The following PLXDC1 variants were observed in gnomAD, a reference collection of about 807,000 sequenced individuals.
The protein encoded by PLXDC1 is plexin domain containing 1, also known as plexin domain-containing protein 1.
Under a neutral mutation model 61.3 loss-of-function variants are expected in PLXDC1, and 39 were observed. The observed-to-expected ratio is 0.64, with a 90% CI of 0.49 to 0.83. The LOEUF is 0.83. Among genes scored for constraint, PLXDC1 ranks in the 40% least tolerant of loss-of-function variants. The pLI is 0.00. For missense variants in PLXDC1, 596 were observed against 666.5 expected (o/e 0.89, Z 1.17); for synonymous variants, 212 against 254.5 (o/e 0.83, Z 1.59).
chr17:39,103,033 G>A (rs1210140751), intron 7 of PLXDC1, among the ~76,000 whole-genome samples: 5 of 152,134 alleles, frequency 3.3e-5, no homozygotes, highest in Non-Finnish European at 1.5e-5. Context: ...TGGCTAACAT[G>A]GTGAAACCCC....
intron 7 of PLXDC1, among the ~76,000 whole-genome samples, chr17:39,103,656 G>GACAA (rs71353561): frequency 0.014 from 2,187 of 152,064 alleles, 62 homozygotes; most frequent in African/African-American, 0.05. Context: ...GACCAGCCTG[G>GACAA]ACAACATGGT....
At chr17:39,128,595 G>A (rs759796127) in intron 2 of PLXDC1, among the ~76,000 whole-genome samples, 5 of 152,108 alleles carry the variant, frequency 3.3e-5, no homozygotes, top group Non-Finnish European at 7.4e-5. Context: ...ATACATTGCT[G>A]GTGGGAATGT....
intron 2 of PLXDC1, among the ~76,000 whole-genome samples, chr17:39,134,913 T>A (rs1911693741): frequency 6.6e-6 from 1 of 152,084 alleles, no homozygotes; most frequent in African/African-American, 2.4e-5. Context: ...GTTTCCATCA[T>A]GCAGCTGGCT....
chr17:39,138,722 CT>C (rs72416084), intron 2 of PLXDC1, among the ~76,000 whole-genome samples: 1,853 of 144,650 alleles, frequency 0.013, 17 homozygotes, highest in African/African-American at 0.031. Flanking sequence ...ACTATTTAAC[CT>C]TTTTTTTTTT....
chr17:39,077,168 G>A (rs1411795871), intron 11 of PLXDC1, among the ~76,000 whole-genome samples: 3 of 152,144 alleles, frequency 2.0e-5, no homozygotes, highest in East Asian at 1.9e-4. Flanking sequence ...GTGCCTGGCC[G>A]AGATGCAGGG....
chr17:39,084,211 A>G (rs1369641569), intron 8 of PLXDC1, among the ~76,000 whole-genome samples: 1 of 152,210 alleles, frequency 6.6e-6, no homozygotes, highest in East Asian at 1.9e-4. Flanking sequence ...GTCAGAGCAT[A>G]CAAAGTAGCA....
intron 2 of PLXDC1, among the ~76,000 whole-genome samples, chr17:39,114,212 G>A (rs979615471): frequency 2.6e-5 from 4 of 152,052 alleles, no homozygotes; most frequent in African/African-American, 7.2e-5. Flanking sequence ...TCTGTTAAAC[G>A]GAAACACAAA....
intron 4 of PLXDC1, 129 bp downstream of exon 4, chr17:39,108,775 C>T (rs1682772653): frequency 1.5e-6 from 1 of 674,212 alleles, no homozygotes; most frequent in Non-Finnish European, 2.7e-6. Context: ...AATCAGACTC[C>T]TATTAGAGCC....
rs1032157365 is a variant in PLXDC1 at position 39,067,829 on chromosome 17, A to G, written c.*11T>C. On this transcript the variant is annotated 3_prime_UTR_variant, in exon 14 of 14. Transcript: ENST00000315392. Reference sequence around the variant, plus strand: ...TGGCCTCAAAGTCTTCAAAGGGGAGACTTGGTGTTCTCAGCACTGCTCAGC... The same window carrying G: ...TGGCCTCAAAGTCTTCAAAGGGGAGGCTTGGTGTTCTCAGCACTGCTCAGC... The G allele has an allele frequency of 5.0e-6, 8 of 1,606,382 alleles. No homozygotes were observed. The East Asian group carries it at 1.8e-4, about 36-fold the overall frequency.
At chr17:39,143,959 A>G (rs935216160) in intron 1 of PLXDC1, among the ~76,000 whole-genome samples, 2 of 152,164 alleles carry the variant, frequency 1.3e-5, no homozygotes, top group African/African-American at 4.8e-5. Context: ...CCAGCTCCCC[A>G]GGTCTTCCTG....
At chr17:39,116,675 G>A (rs1910976856) in intron 2 of PLXDC1, among the ~76,000 whole-genome samples, 2 of 152,170 alleles carry the variant, frequency 1.3e-5, no homozygotes, top group Admixed American at 1.3e-4. Flanking sequence ...ATACCTTCGG[G>A]GGCAAGGAAG....
rs552145644 is a variant in PLXDC1, at chr17:39,135,341, G to A, written c.255+4313C>T. ...GTGGAAGCCTCATGTTCTGACAATC[G>A]AGCGGGTCACCAATTATAAAATTGG... On this transcript the variant is annotated intron_variant, in intron 2 of 13. Transcript: ENST00000315392. Among the ~76,000 whole-genome samples, 18 of 152,274 alleles carry A rather than the reference G, an allele frequency of 1.2e-4. No individual in the cohort carries two copies. The South Asian group carries it at 2.7e-3, about 23-fold the overall frequency.
rs71141756 is a variant in PLXDC1 at position 39,091,958 on chromosome 17, C to CA, written c.812-4257dup. Among the ~76,000 whole-genome samples the CA allele has an allele frequency of 6.0e-3, 629 of 105,190 alleles. 4 individuals are homozygous for CA. The highest frequency in any genetic ancestry group is 0.019 in the Middle Eastern group (4 of 210). The allele number at this position is 105,190 out of a possible 152,430, so 69.0% of individuals were successfully genotyped here. On this transcript the variant is annotated intron_variant, in intron 7 of 13. Coordinates refer to ENST00000315392, the MANE Select transcript of PLXDC1 (RefSeq NM_020405.5). Reference sequence around the variant, plus strand: ...TGGGCAACAGAGTGAGACTCTATCTCAAAAAAAAAAAAAAAAAAAAAAAAT... The same window carrying CA: ...TGGGCAACAGAGTGAGACTCTATCTCAAAAAAAAAAAAAAAAAAAAAAAAAT...
intron 1 of PLXDC1, among the ~76,000 whole-genome samples, chr17:39,144,518 G>A (rs1912033819): frequency 6.6e-6 from 1 of 152,236 alleles, no homozygotes; most frequent in Non-Finnish European, 1.5e-5. Flanking sequence ...GCCTGGGACA[G>A]GACGTCATCC....
At chr17:39,074,923 T>C (rs539042028) in intron 11 of PLXDC1, among the ~76,000 whole-genome samples, 1 of 152,254 alleles carries the variant, frequency 6.6e-6, no homozygotes, top group African/African-American at 2.4e-5. Context: ...GGGCAAAGTT[T>C]CTTTCTGCTT....
chr17:39,137,959 C>T (rs764100829), intron 2 of PLXDC1, among the ~76,000 whole-genome samples: 7 of 151,956 alleles, frequency 4.6e-5, no homozygotes, highest in East Asian at 1.9e-4. Flanking sequence ...TATATTTTTT[C>T]GGAGACAGAG....
chr17:39,122,010 T>G (rs1911173661), intron 2 of PLXDC1, among the ~76,000 whole-genome samples: 1 of 143,594 alleles, frequency 7.0e-6, no homozygotes, highest in African/African-American at 2.6e-5. Flanking sequence ...CACAGGAGAA[T>G]CACTTGAACC....
At chr17:39,105,976 C>G in intron 6 of PLXDC1, 23 bp from the exon 7 acceptor site, 1 of 1,543,788 alleles carries the variant, frequency 6.5e-7, no homozygotes, top group Non-Finnish European at 8.9e-7. Flanking sequence ...GAAGAGACTC[C>G]GTCCACCTCC....
At chr17:39,119,667 C>T (rs1050016402) in intron 2 of PLXDC1, among the ~76,000 whole-genome samples, 7 of 152,140 alleles carry the variant, frequency 4.6e-5, no homozygotes, top group African/African-American at 1.7e-4. Flanking sequence ...ATCGTTTGAG[C>T]CTGGGAAGTT....
Sources: gnomAD v4.1 joint callset for allele counts (sites outside exome capture counted in the v4.1 genomes callset) on GRCh38, gnomAD v4.1.1 for gene constraint, MANE v1.5 for transcripts, NCBI Gene and HGNC (gene_info 2026-07-23, HGNC 2026-07-21) for gene names.